The following TMEM266 variants were observed in gnomAD, a reference collection of about 807,000 sequenced individuals.
TMEM266 encodes the protein Hv1 related protein 1.
TMEM266 carries 33 observed loss-of-function variants against 50.5 expected under a neutral mutation model. The observed-to-expected ratio is 0.65, with a 90% CI of 0.50 to 0.87. The LOEUF (loss-of-function observed/expected upper bound fraction) is 0.87, where lower values mean the gene tolerates loss of function less well. Among genes scored for constraint, TMEM266 ranks in the 40% least tolerant of loss-of-function variants. TMEM266 has a pLI of 0.00. For missense variants in TMEM266, 655 were observed against 695.1 expected (o/e 0.94, Z 0.65); for synonymous variants, 310 against 292.3 (o/e 1.06, Z -0.62).
intron 3 of TMEM266, among the ~76,000 whole-genome samples, chr15:76,154,388 T>C (rs2037890789): frequency 6.6e-6 from 1 of 152,174 alleles, no homozygotes; most frequent in Non-Finnish European, 1.5e-5. Context: ...TGTGCCGGCA[T>C]GAAAGCAGAA....
At chr15:76,165,166 C>T (rs2038076227) in intron 5 of TMEM266, among the ~76,000 whole-genome samples, 1 of 152,230 alleles carries the variant, frequency 6.6e-6, no homozygotes, top group African/African-American at 2.4e-5. Context: ...TTCCCACTCT[C>T]CCCTCCTGCA....
chr15:76,108,108 C>T (rs1424629934), intron 1 of TMEM266, among the ~76,000 whole-genome samples: 3 of 152,254 alleles, frequency 2.0e-5, no homozygotes, highest in Non-Finnish European at 2.9e-5. Flanking sequence ...AAGCAAAGCT[C>T]ATTGCACGGG....
chr15:76,177,786 C>T (rs968789569), intron 8 of TMEM266, among the ~76,000 whole-genome samples: 1 of 152,208 alleles, frequency 6.6e-6, no homozygotes, highest in Non-Finnish European at 1.5e-5. Context: ...GGGCTTGTGC[C>T]GGGCATGTGG....
chr15:76,072,355 T>A (rs1224831653), intron 1 of TMEM266, among the ~76,000 whole-genome samples: 3 of 151,418 alleles, frequency 2.0e-5, no homozygotes, highest in Non-Finnish European at 2.9e-5. Flanking sequence ...GGAGAATCTC[T>A]TGAACCTGGG....
chr15:76,127,608 G>T (rs2142024218), intron 1 of TMEM266, among the ~76,000 whole-genome samples: 1 of 152,252 alleles, frequency 6.6e-6, no homozygotes, highest in East Asian at 1.9e-4. Context: ...TAACAGGCAT[G>T]ATCCACCACA....
At chr15:76,117,771 G>C (rs1421093389) in intron 1 of TMEM266, among the ~76,000 whole-genome samples, 1 of 152,178 alleles carries the variant, frequency 6.6e-6, no homozygotes, top group Non-Finnish European at 1.5e-5. Flanking sequence ...GAGGAGACTG[G>C]AACGAACTGA....
chr15:76,107,885 G>A (rs1263638829), intron 1 of TMEM266, among the ~76,000 whole-genome samples: 1 of 152,220 alleles, frequency 6.6e-6, no homozygotes, highest in Non-Finnish European at 1.5e-5. Context: ...GTCATCCCAA[G>A]AAACCATAGG....
chr15:76,069,259 G>A (rs1053225886), intron 1 of TMEM266, among the ~76,000 whole-genome samples: 1 of 152,174 alleles, frequency 6.6e-6, no homozygotes, highest in African/African-American at 2.4e-5. Flanking sequence ...ACTAGGCTAG[G>A]TCGACTCATG....
At chr15:76,198,457 T>G (rs2038689240) in intron 9 of TMEM266, among the ~76,000 whole-genome samples, 1 of 152,126 alleles carries the variant, frequency 6.6e-6, no homozygotes, top group Non-Finnish European at 1.5e-5. Context: ...TTCCCAGCCA[T>G]AAACATCTGT....
In TMEM266 at chr15:76,137,777, A is replaced by G. The variant is rs1423735164; in HGVS notation, c.109A>G (p.Ile37Val). The change falls in exon 3 of 11, where the codon ATT becomes GTT. Residue 37 changes from isoleucine to valine, a missense_variant. Around this residue, in one of 3 missense-constraint regions of TMEM266, gnomAD observed 99 missense variants for 110.8 expected, o/e 0.89. Coordinates refer to ENST00000388942, the MANE Select transcript of TMEM266 (RefSeq NM_152335.3). ...ACAAGTAGACGAAGAAACCAAGAGC[A>G]TTGCTCCTGTGCAGCTGGTGAACTT... 2 of 1,614,228 alleles carry G rather than the reference A, an allele frequency of 1.2e-6. No homozygotes were observed. The highest frequency in any genetic ancestry group is 3.3e-5 in the Admixed American group (2 of 60,024).
intron 8 of TMEM266, among the ~76,000 whole-genome samples, chr15:76,188,401 G>C (rs60482449): frequency 2.6e-5 from 4 of 152,100 alleles, no homozygotes; most frequent in African/African-American, 9.7e-5. Context: ...TCAGGAGTTC[G>C]AGACCAGCCT....
chr15:76,137,020 TA>T (rs1172715060), intron 2 of TMEM266, among the ~76,000 whole-genome samples: 1 of 152,126 alleles, frequency 6.6e-6, no homozygotes, highest in Non-Finnish European at 1.5e-5. Context: ...AGCCTGACAG[TA>T]AGATAGGAAG....
intron 9 of TMEM266, among the ~76,000 whole-genome samples, chr15:76,193,649 G>A (rs893656464): frequency 6.6e-6 from 1 of 152,172 alleles, no homozygotes; most frequent in Non-Finnish European, 1.5e-5. Flanking sequence ...TGCAGCCTCA[G>A]CTCGCCCTCC....
In TMEM266 at chr15:76,153,145, A is replaced by T. The variant is rs992364957; in HGVS notation, c.228-3459A>T. Among the ~76,000 whole-genome samples the T allele has an allele frequency of 1.3e-5, 2 of 150,386 alleles. No individual in the cohort carries two copies. The highest frequency in any genetic ancestry group is 4.9e-5 in the African/African-American group (2 of 40,720). Reference sequence around the variant, plus strand: ...GTAAGTTTCTCTAACAAAAAAAAAAAGAAGAAAAAAACGACATTTTAAACA... The same window carrying T: ...GTAAGTTTCTCTAACAAAAAAAAAATGAAGAAAAAAACGACATTTTAAACA... On this transcript the variant is annotated intron_variant, in intron 3 of 10. Coordinates refer to ENST00000388942, the MANE Select transcript of TMEM266 (RefSeq NM_152335.3). The surrounding 1 kb of genome is among the most constrained non-coding windows in gnomAD (Gnocchi z 4.2).
intron 1 of TMEM266, among the ~76,000 whole-genome samples, chr15:76,098,242 C>G (rs2036950671): frequency 6.6e-6 from 1 of 152,090 alleles, no homozygotes; most frequent in Non-Finnish European, 1.5e-5. Flanking sequence ...GTGGATTTAT[C>G]TACCTTTGGT....
chr15:76,201,610 T>C (rs2038749512), intron 9 of TMEM266, among the ~76,000 whole-genome samples: 1 of 152,128 alleles, frequency 6.6e-6, no homozygotes, highest in South Asian at 2.1e-4. Context: ...TGTTATTTGC[T>C]CAGTAATTAT....
chr15:76,142,718 C>T (rs1203352583), intron 3 of TMEM266, among the ~76,000 whole-genome samples: 1 of 152,182 alleles, frequency 6.6e-6, no homozygotes, highest in East Asian at 1.9e-4. Flanking sequence ...GAAGTCAGAG[C>T]CCCATCTTGG....
intron 7 of TMEM266, among the ~76,000 whole-genome samples, chr15:76,171,928 G>C (rs571799890): frequency 1.3e-5 from 2 of 152,284 alleles, no homozygotes; most frequent in African/African-American, 4.8e-5. Context: ...CTGGGGGTGG[G>C]GGGTGACCCA....
At chr15:76,187,702 C>A (rs892727648) in intron 8 of TMEM266, among the ~76,000 whole-genome samples, 1 of 152,190 alleles carries the variant, frequency 6.6e-6, no homozygotes, top group Non-Finnish European at 1.5e-5. Flanking sequence ...TGACCAGCAT[C>A]GGGCTCAGTG....
Sources: gnomAD v4.1 joint callset for allele counts (sites outside exome capture counted in the v4.1 genomes callset) on GRCh38, gnomAD v4.1.1 for gene constraint, gnomAD v4.1.1 regional missense constraint, Gnocchi (gnomAD v3.1) non-coding constraint, MANE v1.5 for transcripts, NCBI Gene and HGNC (gene_info 2026-07-23, HGNC 2026-07-21) for gene names.